ENTREP2: variants seen among roughly 807,000 people sequenced by gnomAD.
ENTREP2 encodes the protein endosomal transmembrane epsin interactor 2.
At chr15:29,351,351 T>A in the ENTREP2 span, among the ~76,000 whole-genome samples, 1 of 152,210 alleles carries the variant, frequency 6.6e-6, no homozygotes. Flanking sequence ...ATTATAGACA[T>A]CATTATGCAG....
At chr15:29,628,287 A>G in the ENTREP2 span, among the ~76,000 whole-genome samples, 7 of 152,174 alleles carry the variant, frequency 4.6e-5, no homozygotes, top group Non-Finnish European at 8.8e-5. Context: ...AGAAATGTCT[A>G]TTCATGTCCT....
chr15:29,188,955 C>T, the ENTREP2 span, among the ~76,000 whole-genome samples: 2 of 152,212 alleles, frequency 1.3e-5, no homozygotes, highest in East Asian at 1.9e-4. Flanking sequence ...CCTCGCTCCT[C>T]GGGGACAGGG....
At chr15:29,477,556 A>G in the ENTREP2 span, among the ~76,000 whole-genome samples, 1 of 152,214 alleles carries the variant, frequency 6.6e-6, no homozygotes, top group Non-Finnish European at 1.5e-5. Context: ...AAGGAATCTT[A>G]GGACCAGAGA....
At chr15:29,463,658 A>T in the ENTREP2 span, among the ~76,000 whole-genome samples, 2 of 152,194 alleles carry the variant, frequency 1.3e-5, no homozygotes, top group South Asian at 2.1e-4. Context: ...GAATTATTTT[A>T]AAAAATAAGA....
At chr15:29,621,933 A>T in the ENTREP2 span, among the ~76,000 whole-genome samples, 2 of 152,220 alleles carry the variant, frequency 1.3e-5, no homozygotes, top group African/African-American at 2.4e-5. Context: ...ATTGAGGACA[A>T]CATTTCTACT....
the ENTREP2 span, chr15:29,234,413 G>A: frequency 1.3e-6 from 2 of 1,527,120 alleles, no homozygotes; most frequent in Admixed American, 1.7e-5. Flanking sequence ...AATAAAATGG[G>A]CAACCATTCC....
At chr15:29,273,982 G>A in the ENTREP2 span, among the ~76,000 whole-genome samples, 20 of 152,188 alleles carry the variant, frequency 1.3e-4, no homozygotes, top group Non-Finnish European at 2.9e-5. Context: ...TTGTGATCAT[G>A]TGAGTCAATA....
At chr15:29,118,557 A>T in the ENTREP2 span, among the ~76,000 whole-genome samples, 1 of 152,238 alleles carries the variant, frequency 6.6e-6, no homozygotes, top group African/African-American at 2.4e-5. Context: ...CTACCAGGTC[A>T]CGGGGTCAGC....
the ENTREP2 span, among the ~76,000 whole-genome samples, chr15:29,252,956 G>A: frequency 1.3e-5 from 2 of 152,054 alleles, no homozygotes; most frequent in Non-Finnish European, 2.9e-5. Flanking sequence ...ATCCACTTAC[G>A]GCCAACTGTG....
chr15:29,469,348 C>G, the ENTREP2 span, among the ~76,000 whole-genome samples: 1 of 152,124 alleles, frequency 6.6e-6, no homozygotes, highest in Non-Finnish European at 1.5e-5. Context: ...TACAGGCGCA[C>G]GCCACCACGC....
At chr15:29,288,822 T>C in the ENTREP2 span, among the ~76,000 whole-genome samples, 8 of 152,176 alleles carry the variant, frequency 5.3e-5, no homozygotes, top group African/African-American at 1.7e-4. Flanking sequence ...TATATGTACA[T>C]GTGTATGTAT....
At chr15:29,296,308 G>A in the ENTREP2 span, among the ~76,000 whole-genome samples, 1 of 152,140 alleles carries the variant, frequency 6.6e-6, no homozygotes, top group Non-Finnish European at 1.5e-5. Context: ...TTACATTCAG[G>A]GTGATTTGTA....
At chr15:29,581,561 C>T in the ENTREP2 span, among the ~76,000 whole-genome samples, 1 of 152,024 alleles carries the variant, frequency 6.6e-6, no homozygotes, top group Non-Finnish European at 1.5e-5. Flanking sequence ...AATTAATCAC[C>T]ACAATGATGA....
the ENTREP2 span, among the ~76,000 whole-genome samples, chr15:29,487,130 T>C: frequency 6.6e-6 from 1 of 152,196 alleles, no homozygotes; most frequent in Non-Finnish European, 1.5e-5. Flanking sequence ...TATTGAAATA[T>C]CACTCTGTAT....
the ENTREP2 span, among the ~76,000 whole-genome samples, chr15:29,386,885 AAGG>A: frequency 6.6e-6 from 1 of 152,218 alleles, no homozygotes; most frequent in Non-Finnish European, 1.5e-5. Flanking sequence ...TTATCAGCTT[AAGG>A]AGATTTTGGG....
chr15:29,119,845 G>A, the ENTREP2 span, among the ~76,000 whole-genome samples: 4 of 152,208 alleles, frequency 2.6e-5, no homozygotes, highest in East Asian at 3.9e-4. Context: ...CATTCCTGCC[G>A]TGCCCAGGAC....
the ENTREP2 span, chr15:29,234,821 G>C: frequency 7.0e-7 from 1 of 1,436,368 alleles, no homozygotes; most frequent in Non-Finnish European, 9.8e-7. Flanking sequence ...TTTATCATTT[G>C]TGCAAGGTAA....
At chr15:29,485,308 C>CT in the ENTREP2 span, among the ~76,000 whole-genome samples, 1 of 152,156 alleles carries the variant, frequency 6.6e-6, no homozygotes, top group African/African-American at 2.4e-5. Context: ...GACCTGGCCC[C>CT]TGTCTTGAAG....
At chr15:29,398,787 G>A in the ENTREP2 span, among the ~76,000 whole-genome samples, 2 of 150,566 alleles carry the variant, frequency 1.3e-5, no homozygotes, top group African/African-American at 4.8e-5. Context: ...AGAATTATGA[G>A]ATGGCCCCCA....
Sources: gnomAD v4.1 joint callset for allele counts (sites outside exome capture counted in the v4.1 genomes callset) on GRCh38, gnomAD v4.1.1 for gene constraint, MANE v1.5 for transcripts, NCBI Gene and HGNC (gene_info 2026-07-23, HGNC 2026-07-21) for gene names.